RBFOX1: variants seen among roughly 807,000 people sequenced by gnomAD.
The protein encoded by RBFOX1 is RNA binding fox-1 homolog 1, also known as RNA binding protein fox-1 homolog 1.
A neutral mutation model predicts 57.7 loss-of-function variants in RBFOX1; 8 were observed. The observed-to-expected ratio is 0.14, with a 90% CI of 0.08 to 0.25. RBFOX1 has a LOEUF of 0.25. Ranked by LOEUF, RBFOX1 falls within the 10% of genes least tolerant of loss-of-function variation. The pLI is 1.00. For missense variants in RBFOX1, 611 were observed against 548.5 expected, an observed-to-expected ratio of 1.11 and a Z score of -1.14; for synonymous variants, 326 against 222.4, an observed-to-expected ratio of 1.47 and a Z score of -4.15.
chr16:6,014,042 A>T (rs946105076), upstream of RBFOX1, among the ~76,000 whole-genome samples: 5 of 152,204 alleles, frequency 3.3e-5, no homozygotes, highest in Non-Finnish European at 7.3e-5. Flanking sequence ...CAGCACACCA[A>T]CATGGTACAT....
intron 1 of RBFOX1, among the ~76,000 whole-genome samples, chr16:5,430,693 A>G (rs2067705073): frequency 6.6e-6 from 1 of 152,248 alleles, no homozygotes; most frequent in Non-Finnish European, 1.5e-5. Context: ...AGGTGTAAGC[A>G]GTATTATGTA....
At chr16:6,092,106 A>G (rs191113136) in intron 1 of RBFOX1, among the ~76,000 whole-genome samples, 6 of 152,184 alleles carry the variant, frequency 3.9e-5, no homozygotes, top group South Asian at 2.1e-4. Flanking sequence ...TCTCCTCTCT[A>G]TTTTCTTCAG....
At chr16:6,938,797 T>G (rs6500884) in intron 3 of RBFOX1, among the ~76,000 whole-genome samples, 14,299 of 152,090 alleles carry the variant, frequency 0.094, 2,212 homozygotes, top group African/African-American at 0.33. Flanking sequence ...CTGGGTGTGG[T>G]GGGTTGTGCC....
chr16:5,839,006 G>T (rs989220353), intron 3 of RBFOX1, among the ~76,000 whole-genome samples: 1 of 152,144 alleles, frequency 6.6e-6, no homozygotes, highest in Non-Finnish European at 1.5e-5. Context: ...TTCACAGCTC[G>T]CTGGGGAGTG....
At chr16:6,600,834 C>G (rs2097844430) in intron 2 of RBFOX1, among the ~76,000 whole-genome samples, 2 of 152,098 alleles carry the variant, frequency 1.3e-5, no homozygotes, top group Admixed American at 6.5e-5. Context: ...AAAAAAATCC[C>G]TTTAGAGGAA....
At chr16:5,447,747 G>C (rs942541460) in intron 1 of RBFOX1, among the ~76,000 whole-genome samples, 1 of 152,172 alleles carries the variant, frequency 6.6e-6, no homozygotes, top group Non-Finnish European at 1.5e-5. Context: ...CTCTCAGCAC[G>C]TGATGTTATC....
chr16:6,411,153 A>T (rs1026170628), intron 2 of RBFOX1, among the ~76,000 whole-genome samples: 2 of 152,134 alleles, frequency 1.3e-5, no homozygotes, highest in Non-Finnish European at 2.9e-5. Context: ...AATTGTTTTT[A>T]AATTTTTTTT....
chr16:6,955,983 G>A (rs1414188931), intron 3 of RBFOX1, among the ~76,000 whole-genome samples: 3 of 152,218 alleles, frequency 2.0e-5, no homozygotes, highest in African/African-American at 7.2e-5. Flanking sequence ...TGGGATTACA[G>A]ATGTGAGCCA....
At chr16:7,690,729 T>C (rs1424794222) in intron 14 of RBFOX1, among the ~76,000 whole-genome samples, 1 of 152,126 alleles carries the variant, frequency 6.6e-6, no homozygotes, top group East Asian at 1.9e-4. Flanking sequence ...TGATCATATG[T>C]GTCTCTGGTC....
At chr16:7,184,419 C>T (rs1383483806) in intron 4 of RBFOX1, among the ~76,000 whole-genome samples, 1 of 152,168 alleles carries the variant, frequency 6.6e-6, no homozygotes, top group Admixed American at 6.5e-5. Flanking sequence ...GTGGTTATAG[C>T]ATATCCACAA....
chr16:7,495,022 C>A (rs539073323), intron 4 of RBFOX1, among the ~76,000 whole-genome samples: 1 of 151,930 alleles, frequency 6.6e-6, no homozygotes, highest in Non-Finnish European at 1.5e-5. Flanking sequence ...TATTTATGAC[C>A]GTGTGTGCTT....
chr16:7,304,142 A>T (rs2096108768), intron 4 of RBFOX1: 1 of 877,742 alleles, frequency 1.1e-6, no homozygotes, highest in Non-Finnish European at 1.4e-6. Flanking sequence ...GGGGAGAGCC[A>T]GGGAGGAGGG....
chr16:6,187,538 A>G (rs973095851), intron 1 of RBFOX1, among the ~76,000 whole-genome samples: 1 of 152,150 alleles, frequency 6.6e-6, no homozygotes, highest in Non-Finnish European at 1.5e-5. Context: ...TCTCACAAGT[A>G]TTGTGTAAGG....
intron 2 of RBFOX1, among the ~76,000 whole-genome samples, chr16:6,531,372 T>A (rs908100960): frequency 4.6e-5 from 7 of 152,176 alleles, no homozygotes; most frequent in African/African-American, 1.2e-4. Flanking sequence ...GAGGAGCAGG[T>A]ACCAGAGCTC....
intron 1 of RBFOX1, among the ~76,000 whole-genome samples, chr16:5,439,541 G>C (rs972849048): frequency 2.0e-5 from 3 of 152,050 alleles, no homozygotes; most frequent in Non-Finnish European, 4.4e-5. Flanking sequence ...AGGTAGAACC[G>C]GGGAGACTTG....
At chr16:6,426,116 GTCTC>G (rs974738905) in intron 2 of RBFOX1, among the ~76,000 whole-genome samples, 1 of 149,464 alleles carries the variant, frequency 6.7e-6, no homozygotes, top group East Asian at 2.0e-4. Context: ...CCCTCTCATT[GTCTC>G]TCTCTTATTC....
intron 3 of RBFOX1, among the ~76,000 whole-genome samples, chr16:5,794,662 C>A (rs533810736): frequency 4.6e-5 from 7 of 152,068 alleles, no homozygotes; most frequent in African/African-American, 1.7e-4. Flanking sequence ...AGGAGTCGGG[C>A]GGCCCAGCAG....
intron 4 of RBFOX1, among the ~76,000 whole-genome samples, chr16:7,425,679 A>G (rs2098603551): frequency 6.6e-6 from 1 of 152,202 alleles, no homozygotes; most frequent in Non-Finnish European, 1.5e-5. Context: ...AGCTTGGAAA[A>G]TAGAAGTTAT....
At chr16:7,158,669 C>A (rs190909451) in intron 4 of RBFOX1, among the ~76,000 whole-genome samples, 9 of 146,100 alleles carry the variant, frequency 6.2e-5, no homozygotes, top group Non-Finnish European at 1.2e-4. Flanking sequence ...CGTGCACGCA[C>A]GTATGTGTGT....
Sources: allele counts gnomAD v4.1 joint callset (sites outside exome capture counted in the v4.1 genomes callset), GRCh38; gene constraint gnomAD v4.1.1; transcripts MANE v1.5; gene names NCBI Gene and HGNC (gene_info 2026-07-23, HGNC 2026-07-21).